The following TTC21B variants were observed in gnomAD, a reference collection of about 807,000 sequenced individuals.
TTC21B encodes tetratricopeptide repeat domain 21B.
TTC21B carries 127 observed loss-of-function variants against 175.1 expected under a neutral mutation model. The ratio of observed to expected loss-of-function variants is 0.73; its 90% CI spans 0.63 to 0.84. The LOEUF (loss-of-function observed/expected upper bound fraction) is 0.84. Ranked by LOEUF, TTC21B falls within the 40% of genes least tolerant of loss-of-function variation. The probability of loss-of-function intolerance (pLI) is 0.00; values close to 1 mark genes in which losing one functional copy is unlikely to be tolerated. For missense variants in TTC21B, 1,561 were observed against 1,558.3 expected, an observed-to-expected ratio of 1.00 and a Z score of -0.03; for synonymous variants, 524 against 524.5, an observed-to-expected ratio of 1.00 and a Z score of 0.01.
At chr2:165,887,520 C>T (rs1574068113) in intron 25 of TTC21B, among the ~76,000 whole-genome samples, 1 of 151,998 alleles carries the variant, frequency 6.6e-6, no homozygotes, top group African/African-American at 2.4e-5. Context: ...AACCCCTTCT[C>T]TACTAAAAAT....
intron 28 of TTC21B, 139 bp from the exon 29 acceptor site, chr2:165,874,971 G>A: frequency 2.8e-6 from 2 of 718,662 alleles, no homozygotes; most frequent in East Asian, 5.4e-5. Context: ...CTTTTTAATG[G>A]TGGCATTTTA....
At chr2:165,904,483 CT>C in intron 19 of TTC21B, among the ~76,000 whole-genome samples, 1 of 152,142 alleles carries the variant, frequency 6.6e-6, no homozygotes, top group East Asian at 1.9e-4. Flanking sequence ...ACACACACCC[CT>C]GTCAGTTAAA....
intron 12 of TTC21B, among the ~76,000 whole-genome samples, chr2:165,921,574 C>A (rs1426552819): frequency 6.6e-6 from 1 of 152,156 alleles, no homozygotes; most frequent in Admixed American, 6.5e-5. Flanking sequence ...AAATTTGCAG[C>A]TAGTCAAAAG....
intron 22 of TTC21B, among the ~76,000 whole-genome samples, chr2:165,891,827 T>G (rs904628598): frequency 6.6e-6 from 1 of 151,956 alleles, no homozygotes; most frequent in African/African-American, 2.4e-5. Flanking sequence ...TATTTCCAGC[T>G]AAAGATTAGC....
At chr2:165,885,945 C>T (rs977313697) in intron 25 of TTC21B, among the ~76,000 whole-genome samples, 2 of 152,178 alleles carry the variant, frequency 1.3e-5, no homozygotes, top group Non-Finnish European at 2.9e-5. Context: ...ATAAACATCT[C>T]ATCTTTATGG....
chr2:165,883,743 A>G (rs891919323), intron 26 of TTC21B, 51 bp downstream of exon 26: 1 of 1,402,626 alleles, frequency 7.1e-7, no homozygotes, highest in South Asian at 1.2e-5. Flanking sequence ...TCTATATGGA[A>G]AGCTTATGCA....
intron 20 of TTC21B, 117 bp from the exon 21 acceptor site, chr2:165,899,997 AGTATAATAGAC>A: frequency 2.4e-6 from 1 of 411,796 alleles, no homozygotes; most frequent in Non-Finnish European, 4.8e-6. Flanking sequence ...TAAAATGCCA[AGTATAATAGAC>A]AAAAAAAAAA....
chr2:165,884,156 G>C, intron 25 of TTC21B, 138 bp from the exon 26 acceptor site: 1 of 757,926 alleles, frequency 1.3e-6, no homozygotes, highest in Non-Finnish European at 2.3e-6. Context: ...TGTGATTACA[G>C]GTCATTATTT....
chr2:165,891,106 T>A, intron 22 of TTC21B, 118 bp from the exon 23 acceptor site: 1 of 898,810 alleles, frequency 1.1e-6, no homozygotes, highest in Non-Finnish European at 1.7e-6. Flanking sequence ...TAAATATAAA[T>A]AAAAAATGCC....
At chr2:165,929,023 T>C (rs1686781864) in intron 11 of TTC21B, 112 bp downstream of exon 11, 3 of 953,800 alleles carry the variant, frequency 3.1e-6, no homozygotes, top group African/African-American at 1.6e-5. Flanking sequence ...TAGGTACAAA[T>C]ACTACCATTT....
In TTC21B at chr2:165,878,678, CG is replaced by C. The variant is rs1268843558; in HGVS notation, c.3805+2000del. On this transcript the variant is annotated intron_variant, in intron 27 of 28. Coordinates refer to ENST00000243344, the MANE Select transcript of TTC21B (RefSeq NM_024753.5). Reference sequence around the variant, plus strand: ...GAATTCTATGGAAAGAGCATGAGCACGATTTTTTTTTTTTTTTTTTTGAGAC... The same window carrying C: ...GAATTCTATGGAAAGAGCATGAGCACATTTTTTTTTTTTTTTTTTTGAGAC... 2.7e-5 allele frequency among the ~76,000 whole-genome samples: 4 copies of C among 145,514 alleles called. No homozygotes were observed. The Admixed American group carries it at 2.8e-4, about 10-fold the overall frequency.
chr2:165,907,718 T>C lies in TTC21B; in HGVS notation c.2528A>G (p.Lys843Arg). ...CQVLLAKVYS[K>R]MEKLGDAITA... Reference sequence around the variant, plus strand: ...GATCGCATCACCAAGTTTTTCCATTTTACTATAAACTTTTGCTAGAAGAAC... The same window carrying C: ...GATCGCATCACCAAGTTTTTCCATTCTACTATAAACTTTTGCTAGAAGAAC... Residue 843 changes from lysine to arginine, a missense_variant, in exon 19 of 29, where the codon AAA becomes AGA. By Grantham distance (26) the Lys-to-Arg change is conservative. Coordinates refer to ENST00000243344, the MANE Select transcript of TTC21B (RefSeq NM_024753.5). 6.2e-7 allele frequency: 1 copy of C among 1,613,260 alleles called. No homozygotes were observed.
chr2:165,925,924 C>T (rs1686609926), intron 11 of TTC21B, among the ~76,000 whole-genome samples: 2 of 152,010 alleles, frequency 1.3e-5, no homozygotes. Context: ...TCTTTGTCAC[C>T]TGCTAAGAAT....
intron 6 of TTC21B, among the ~76,000 whole-genome samples, chr2:165,935,475 A>G (rs10203114): frequency 0.99 from 151,164 of 152,310 alleles, 75,018 homozygotes; most frequent in Middle Eastern, 1. Context: ...TTTTCAATTC[A>G]TAGAATGCTA....
rs1389241122 is a variant in TTC21B at position 165,929,151 on chromosome 2, C to A, written c.1370G>T (p.Ser457Ile). The change falls in exon 11 of 29, where the codon AGC becomes ATC. Residue 457 changes from serine (S) to isoleucine (I), a missense_variant. By Grantham distance (142) the Ser-to-Ile change is moderately radical. Transcript: ENST00000243344. ...FLLEIVMEYL[S>I]FCPMQPASPG... ...ATTACTTACCTGCATTGGACAGAAGCTCAGATACTCCATAACAATTTCTAA... is the reference window on the plus strand; with the variant it reads ...ATTACTTACCTGCATTGGACAGAAGATCAGATACTCCATAACAATTTCTAA... 5.0e-6 allele frequency: 8 copies of A among 1,612,764 alleles called. No homozygotes were observed.
intron 11 of TTC21B, among the ~76,000 whole-genome samples, chr2:165,928,278 A>C (rs756465805): frequency 8.5e-5 from 13 of 152,162 alleles, no homozygotes; most frequent in Non-Finnish European, 1.9e-4. Flanking sequence ...CACAGGAATA[A>C]ATGTAGAGTC....
chr2:165,887,021 T>C (rs1281054878), intron 25 of TTC21B, among the ~76,000 whole-genome samples: 1 of 152,198 alleles, frequency 6.6e-6, no homozygotes, highest in African/African-American at 2.4e-5. Flanking sequence ...GCTGTCCTGC[T>C]GTTTTATTCC....
intron 22 of TTC21B, among the ~76,000 whole-genome samples, chr2:165,894,259 G>C (rs1261486629): frequency 6.6e-6 from 1 of 152,150 alleles, no homozygotes; most frequent in East Asian, 1.9e-4. Context: ...TTCTGAGAGA[G>C]AAAAGGGGCA....
intron 27 of TTC21B, chr2:165,879,709 T>C (rs1684780005): frequency 6.6e-6 from 1 of 152,136 alleles, no homozygotes; most frequent in South Asian, 2.1e-4. Flanking sequence ...AAACAGCACT[T>C]TCCAAACTTA....
Sources: gnomAD v4.1 joint callset for allele counts (sites outside exome capture counted in the v4.1 genomes callset) on GRCh38, gnomAD v4.1.1 for gene constraint, MANE v1.5 for transcripts, NCBI Gene and HGNC (gene_info 2026-07-23, HGNC 2026-07-21) for gene names.